Variants in NTM observed in about 807,000 individuals in gnomAD.
The protein encoded by NTM is neurotrimin.
NTM carries 13 observed loss-of-function variants against 42.1 expected under a neutral mutation model. The observed-to-expected ratio is 0.31, with a 90% CI of 0.20 to 0.49. The LOEUF (loss-of-function observed/expected upper bound fraction) is 0.49. NTM is among the 20% of genes least tolerant of loss of function. The probability of loss-of-function intolerance (pLI) is 0.99; values close to 1 mark genes in which losing one functional copy is unlikely to be tolerated. For synonymous variants in NTM, 187 were observed against 179.2 expected (o/e 1.04, Z -0.35); for missense variants, 373 against 452.8 (o/e 0.82, Z 1.60).
chr11:132,249,751 C>G (rs1260993898), intron 4 of NTM, among the ~76,000 whole-genome samples: 1 of 152,202 alleles, frequency 6.6e-6, no homozygotes, highest in Non-Finnish European at 1.5e-5. Flanking sequence ...TCATGGCCTC[C>G]AGCCAGGCAC....
chr11:131,691,714 GGCGCGTTCTTTCCGCGGC>G (rs1481748875), intron 1 of NTM, among the ~76,000 whole-genome samples: 1 of 152,214 alleles, frequency 6.6e-6, no homozygotes, highest in Non-Finnish European at 1.5e-5. Flanking sequence ...AGGTGGCGCT[GGCGCGTTCTTTCCGCGGC>G]GCGGGGCTGA....
intron 2 of NTM, among the ~76,000 whole-genome samples, chr11:132,117,351 T>G (rs368567031): frequency 6.6e-6 from 1 of 152,216 alleles, no homozygotes; most frequent in African/African-American, 2.4e-5. Flanking sequence ...GACTGGAAAC[T>G]CTGAGCATGG....
intron 2 of NTM, among the ~76,000 whole-genome samples, chr11:132,130,809 G>A (rs937444700): frequency 2.0e-5 from 3 of 152,158 alleles, no homozygotes; most frequent in African/African-American, 7.2e-5. Flanking sequence ...GAGCAAGATG[G>A]GAGATTTCTC....
At chr11:132,206,501 T>C (rs888499114) in intron 3 of NTM, among the ~76,000 whole-genome samples, 2 of 152,216 alleles carry the variant, frequency 1.3e-5, no homozygotes, top group Non-Finnish European at 2.9e-5. Context: ...CTTACTCCTA[T>C]GTCTTTGAAA....
At chr11:131,542,261 A>G (rs2053371420) in intron 1 of NTM, among the ~76,000 whole-genome samples, 1 of 152,206 alleles carries the variant, frequency 6.6e-6, no homozygotes, top group Non-Finnish European at 1.5e-5. Flanking sequence ...TGAGCCTTGA[A>G]GCTGCATAAA....
At chr11:131,805,480 T>C (rs2092427805) in intron 1 of NTM, among the ~76,000 whole-genome samples, 1 of 152,232 alleles carries the variant, frequency 6.6e-6, no homozygotes, top group Non-Finnish European at 1.5e-5. Context: ...TATGATTTAC[T>C]GTTATCCGAT....
At chr11:131,538,027 T>A (rs898852273) in intron 1 of NTM, 2 of 152,264 alleles carry the variant, frequency 1.3e-5, no homozygotes, top group African/African-American at 4.8e-5. Flanking sequence ...ACGCAGCCTC[T>A]GTGTACTTTG....
At chr11:131,447,507 C>A (rs780678891) in intron 1 of NTM, among the ~76,000 whole-genome samples, 21 of 152,250 alleles carry the variant, frequency 1.4e-4, no homozygotes, top group South Asian at 6.2e-4. Context: ...CCCACATTAG[C>A]ACTGATTCAT....
intron 1 of NTM, among the ~76,000 whole-genome samples, chr11:131,573,189 A>G (rs1022208831): frequency 6.6e-6 from 1 of 152,176 alleles, no homozygotes; most frequent in African/African-American, 2.4e-5. Context: ...AGCCCATGTC[A>G]TCTTCTATCA....
At chr11:131,746,111 G>T (rs2081789439) in intron 1 of NTM, among the ~76,000 whole-genome samples, 2 of 152,016 alleles carry the variant, frequency 1.3e-5, no homozygotes, top group African/African-American at 2.4e-5. Context: ...CTCTTTGTGG[G>T]AGTCGTCATC....
intron 1 of NTM, among the ~76,000 whole-genome samples, chr11:131,706,138 A>G (rs1018527933): frequency 3.3e-5 from 5 of 152,076 alleles, no homozygotes; most frequent in African/African-American, 1.2e-4. Context: ...AAGGAATAGA[A>G]GAAGATAATA....
intron 1 of NTM, among the ~76,000 whole-genome samples, chr11:131,522,454 G>A (rs1334353627): frequency 2.0e-5 from 3 of 152,028 alleles, no homozygotes. Context: ...TTACTGATAT[G>A]TATTTCATAA....
At chr11:131,651,835 G>A (rs763742753) in intron 1 of NTM, among the ~76,000 whole-genome samples, 74 of 150,684 alleles carry the variant, frequency 4.9e-4, no homozygotes, top group Non-Finnish European at 5.3e-4. Flanking sequence ...GTGAGACTCC[G>A]TCCCCGCCCC....
At chr11:132,285,883 A>C (rs1265440512) in intron 4 of NTM, among the ~76,000 whole-genome samples, 1 of 152,110 alleles carries the variant, frequency 6.6e-6, no homozygotes, top group African/African-American at 2.4e-5. Context: ...CCTCTTGTAG[A>C]TGGGAATCTT....
At chr11:131,723,068 T>C (rs1466278293) in intron 1 of NTM, among the ~76,000 whole-genome samples, 1 of 152,256 alleles carries the variant, frequency 6.6e-6, no homozygotes, top group Non-Finnish European at 1.5e-5. Context: ...AGCCAGTTGA[T>C]GGCTGATCTG....
At chr11:132,279,028 C>A (rs2093857620) in intron 4 of NTM, among the ~76,000 whole-genome samples, 1 of 152,160 alleles carries the variant, frequency 6.6e-6, no homozygotes, top group East Asian at 1.9e-4. Context: ...CTTAGATCAT[C>A]CAAATGGAAT....
At chr11:131,456,153 A>C (rs933786917) in intron 1 of NTM, among the ~76,000 whole-genome samples, 1 of 152,222 alleles carries the variant, frequency 6.6e-6, no homozygotes, top group Non-Finnish European at 1.5e-5. Context: ...AAGTTGATTA[A>C]GGAGCTGGCA....
At chr11:131,789,547 AAAGAAGAAGAAGAAG>A (rs71067336) in intron 1 of NTM, among the ~76,000 whole-genome samples, 22 of 5,116 alleles carry the variant, frequency 4.3e-3, no homozygotes, top group East Asian at 0.019. Context: ...AAGAAGAAGA[AAAGAAGAAGAAGAAG>A]AAGAAGAAGA....
chr11:132,186,941 A>AG (rs371155262), intron 3 of NTM, among the ~76,000 whole-genome samples: 1,522 of 152,098 alleles, frequency 0.01, 20 homozygotes, highest in African/African-American at 0.035. Flanking sequence ...ACACTTTCAG[A>AG]GGGGGTTTGT....
Sources: gnomAD v4.1 joint callset for allele counts (sites outside exome capture counted in the v4.1 genomes callset) on GRCh38, gnomAD v4.1.1 for gene constraint, MANE v1.5 for transcripts, NCBI Gene and HGNC (gene_info 2026-07-23, HGNC 2026-07-21) for gene names.